LRBA: variants seen among roughly 807,000 people sequenced by gnomAD.
LRBA encodes lipopolysaccharide-responsive and beige-like anchor protein.
LRBA carries 176 observed loss-of-function variants against 330.0 expected under a neutral mutation model. The observed-to-expected ratio is 0.53, with a 90% CI of 0.47 to 0.60. LRBA has a LOEUF of 0.60. LRBA is among the 20% of genes least tolerant of loss of function. LRBA has a pLI of 0.00. For missense variants in LRBA, 3,259 were observed against 3,444.8 expected, an observed-to-expected ratio of 0.95 and a Z score of 1.35; for synonymous variants, 1,230 against 1,193.0, an observed-to-expected ratio of 1.03 and a Z score of -0.64.
chr4:150,912,200 C>G (rs923255884), intron 9 of LRBA, among the ~76,000 whole-genome samples: 2 of 151,948 alleles, frequency 1.3e-5, no homozygotes, highest in Non-Finnish European at 2.9e-5. Context: ...GGTCCCTAAC[C>G]AGGTATATGA....
chr4:150,639,871 A>G (rs1778497802), intron 37 of LRBA, among the ~76,000 whole-genome samples: 5 of 93,320 alleles, frequency 5.4e-5, no homozygotes, highest in Non-Finnish European at 8.4e-5. Flanking sequence ...ATATATATAT[A>G]TTTAGATGGA....
chr4:150,459,295 CTGGT>C (rs1189992362), intron 44 of LRBA, among the ~76,000 whole-genome samples: 3 of 151,840 alleles, frequency 2.0e-5, no homozygotes, highest in Non-Finnish European at 4.4e-5. Flanking sequence ...AGAAACGTGT[CTGGT>C]AAAATTTCTC....
chr4:150,998,489 G>C (rs1362275919), intron 2 of LRBA, among the ~76,000 whole-genome samples: 2 of 152,006 alleles, frequency 1.3e-5, no homozygotes, highest in African/African-American at 4.8e-5. Context: ...CAGTGGGTAG[G>C]ACTACAGGCA....
At chr4:150,464,009 CA>C (rs34742965) in intron 44 of LRBA, among the ~76,000 whole-genome samples, 25,433 of 146,126 alleles carry the variant, frequency 0.17, 2,218 homozygotes, top group African/African-American at 0.21. Context: ...AACATATCCT[CA>C]AAAAAAAAAA....
chr4:150,809,869 C>T (rs1480096365), intron 31 of LRBA, among the ~76,000 whole-genome samples: 4 of 89,024 alleles, frequency 4.5e-5, no homozygotes, highest in African/African-American at 1.3e-4. Context: ...CGATACGATA[C>T]GATACGATAC....
chr4:150,448,509 G>C (rs1205811004), intron 44 of LRBA, among the ~76,000 whole-genome samples: 1 of 152,010 alleles, frequency 6.6e-6, no homozygotes, highest in Non-Finnish European at 1.5e-5. Context: ...CATAAAAGTA[G>C]GTAAGAAGAA....
At chr4:150,562,823 G>T (rs79281574) in intron 40 of LRBA, among the ~76,000 whole-genome samples, 5 of 150,582 alleles carry the variant, frequency 3.3e-5, no homozygotes, top group Non-Finnish European at 7.4e-5. Flanking sequence ...TTTTTTAATA[G>T]GGGTCTTGCT....
At position 150,893,162 on chromosome 4, in the gene LRBA, TA is replaced by T; in HGVS notation, c.2068-14del. On this transcript the variant is annotated splice_polypyrimidine_tract_variant and intron_variant, in intron 16 of 56. Transcript: ENST00000651943. The stretch of plus-strand genomic sequence containing the variant: ...TTAGATTGTCATCCTATAATCATTT[TA>T]GAAATTTTTTTTAAAAAATGAGGAA... 1.3e-6 allele frequency: 2 copies of T among 1,536,482 alleles called. No homozygotes were observed. Among genetic ancestry groups the T allele is most frequent in the South Asian group, 1.2e-5 (1 of 83,672 alleles).
At chr4:150,807,758 GC>G (rs568437806) in intron 32 of LRBA, among the ~76,000 whole-genome samples, 84 of 152,108 alleles carry the variant, frequency 5.5e-4, no homozygotes, top group South Asian at 1.0e-3. Context: ...TGATTCTCCT[GC>G]CTCAGCATCC....
At chr4:150,368,221 G>A (rs1345955167) in intron 47 of LRBA, among the ~76,000 whole-genome samples, 3 of 151,902 alleles carry the variant, frequency 2.0e-5, no homozygotes, top group East Asian at 1.9e-4. Context: ...GTTTACCTTC[G>A]GAGAAAACTA....
In LRBA at chr4:150,583,462, T is replaced by A. The variant is rs1479275588; in HGVS notation, c.6330+4586A>T. On this transcript the variant is annotated intron_variant, in intron 40 of 56. Transcript: ENST00000651943. This position sits in a 1 kb window ranked among gnomAD's most constrained non-coding sequence, Gnocchi z 9.8. The stretch of plus-strand genomic sequence containing the variant: ...GGCCCAGGCGGTGGACAAGTGCAGC[T>A]ATCGGGATGTGGTCAAGATGATCGC... 12 of 1,613,942 alleles carry A rather than the reference T, an allele frequency of 7.4e-6. No homozygotes were observed. Among genetic ancestry groups the A allele is most frequent in the Non-Finnish European group, 1.0e-5 (12 of 1,180,032 alleles).
chr4:150,736,533 A>G (rs1258543113), intron 35 of LRBA, among the ~76,000 whole-genome samples: 1 of 152,186 alleles, frequency 6.6e-6, no homozygotes, highest in African/African-American at 2.4e-5. Context: ...AGATAGGTCA[A>G]TGACAACTAG....
At chr4:150,895,638 A>G (rs539342597) in intron 16 of LRBA, among the ~76,000 whole-genome samples, 1 of 152,314 alleles carries the variant, frequency 6.6e-6, no homozygotes, top group South Asian at 2.1e-4. Flanking sequence ...GCTGCATAGT[A>G]TTCCATGGTG....
intron 50 of LRBA, among the ~76,000 whole-genome samples, chr4:150,318,431 A>G (rs1053548005): frequency 1.3e-5 from 2 of 152,184 alleles, no homozygotes; most frequent in African/African-American, 2.4e-5. Context: ...CTCAGAAAAG[A>G]AACAGAACCT....
intron 56 of LRBA, among the ~76,000 whole-genome samples, chr4:150,274,599 A>T (rs1746520005): frequency 6.6e-6 from 1 of 152,232 alleles, no homozygotes. Context: ...ACAATAAAAA[A>T]TGATAAAGGG....
intron 34 of LRBA, among the ~76,000 whole-genome samples, chr4:150,781,495 G>A (rs1178291594): frequency 6.6e-6 from 1 of 152,232 alleles, no homozygotes; most frequent in East Asian, 1.9e-4. Flanking sequence ...GATGAAGCTT[G>A]GCTGGCTCAC....
At chr4:150,660,385 C>T (rs1447491445) in intron 37 of LRBA, among the ~76,000 whole-genome samples, 6 of 128,370 alleles carry the variant, frequency 4.7e-5, no homozygotes, top group East Asian at 2.7e-4. Context: ...CCAGTGGCCC[C>T]GTCCGGGAGG....
intron 37 of LRBA, among the ~76,000 whole-genome samples, chr4:150,615,057 G>A (rs1196363445): frequency 6.6e-6 from 1 of 152,226 alleles, no homozygotes; most frequent in South Asian, 2.1e-4. Context: ...CTTGAAGGAG[G>A]TGAAGGTGTC....
chr4:150,543,278 G>A (rs1373221903), intron 40 of LRBA, among the ~76,000 whole-genome samples: 2 of 152,100 alleles, frequency 1.3e-5, no homozygotes, highest in African/African-American at 2.4e-5. Context: ...GTTGCCAAGA[G>A]GGAGCTTGCA....
Sources: gnomAD v4.1 joint callset for allele counts (sites outside exome capture counted in the v4.1 genomes callset) on GRCh38, gnomAD v4.1.1 for gene constraint, Gnocchi (gnomAD v3.1) non-coding constraint, MANE v1.5 for transcripts, NCBI Gene and HGNC (gene_info 2026-07-23, HGNC 2026-07-21) for gene names.